The following FGGY variants were observed in gnomAD, a reference collection of about 807,000 sequenced individuals.
FGGY encodes the protein FGGY carbohydrate kinase domain-containing protein.
FGGY carries 72 observed loss-of-function variants against 71.3 expected under a neutral mutation model. The observed-to-expected ratio is 1.01, with a 90% CI of 0.84 to 1.23. The LOEUF (loss-of-function observed/expected upper bound fraction) is 1.23. Ranked by LOEUF, FGGY falls within the 50% of genes most tolerant of loss-of-function variation. The probability of loss-of-function intolerance (pLI) is 0.00; values close to 1 mark genes in which losing one functional copy is unlikely to be tolerated. For synonymous variants in FGGY, 251 were observed against 250.3 expected (o/e 1.00, Z -0.02); for missense variants, 668 against 682.3 (o/e 0.98, Z 0.23).
intron 10 of FGGY, among the ~76,000 whole-genome samples, chr1:59,627,327 C>G (rs1314865667): frequency 6.6e-6 from 1 of 151,174 alleles, no homozygotes; most frequent in African/African-American, 2.4e-5. Flanking sequence ...AGTGACAACT[C>G]TTTATGTGTA....
intron 5 of FGGY, among the ~76,000 whole-genome samples, chr1:59,416,149 C>G (rs919955266): frequency 6.6e-6 from 1 of 151,634 alleles, no homozygotes; most frequent in Non-Finnish European, 1.5e-5. Context: ...TGCAAAAAAG[C>G]TTTTATTTAA....
intron 14 of FGGY, among the ~76,000 whole-genome samples, chr1:59,753,646 A>G (rs780354951): frequency 1.3e-4 from 19 of 151,254 alleles, no homozygotes; most frequent in Middle Eastern, 3.4e-3. Flanking sequence ...ATTTTAATAT[A>G]TATTGATCCG....
chr1:59,754,345 C>T (rs11584318), intron 14 of FGGY, among the ~76,000 whole-genome samples: 6,287 of 152,238 alleles, frequency 0.041, 257 homozygotes, highest in East Asian at 0.15. Context: ...ATAGATTGCT[C>T]ACTACTCTTC....
intron 4 of FGGY, among the ~76,000 whole-genome samples, chr1:59,348,891 C>T (rs1557633198): frequency 1.3e-5 from 2 of 152,248 alleles, no homozygotes; most frequent in Non-Finnish European, 2.9e-5. Context: ...ACTCTACTGT[C>T]AACAATTGTA....
intron 8 of FGGY, among the ~76,000 whole-genome samples, chr1:59,582,570 C>T (rs1401156229): frequency 6.7e-6 from 1 of 149,646 alleles, no homozygotes; most frequent in Non-Finnish European, 1.5e-5. Flanking sequence ...CCCTCTACTC[C>T]TTCTCCTAAG....
At chr1:59,615,503 GA>G (rs1558557567) in intron 9 of FGGY, among the ~76,000 whole-genome samples, 1 of 152,120 alleles carries the variant, frequency 6.6e-6, no homozygotes. Flanking sequence ...ATTCAAGATG[GA>G]TTAAAGACTT....
At chr1:59,687,958 C>A (rs900738610) in intron 14 of FGGY, among the ~76,000 whole-genome samples, 1 of 152,174 alleles carries the variant, frequency 6.6e-6, no homozygotes, top group Non-Finnish European at 1.5e-5. Flanking sequence ...TGGAGTGAGC[C>A]AAGCCAACTG....
intron 2 of FGGY, among the ~76,000 whole-genome samples, chr1:59,338,115 G>A (rs1270583130): frequency 6.6e-6 from 1 of 152,078 alleles, no homozygotes; most frequent in African/African-American, 2.4e-5. Flanking sequence ...TTTGTACTTT[G>A]TTCTGTTAAT....
At chr1:59,525,278 T>C (rs1459165361) in intron 7 of FGGY, among the ~76,000 whole-genome samples, 1 of 152,104 alleles carries the variant, frequency 6.6e-6, no homozygotes, top group Admixed American at 6.5e-5. Context: ...TCACCCTTGG[T>C]AGGTGTGGGA....
At chr1:59,324,888 GC>G (rs1235412858) in intron 2 of FGGY, among the ~76,000 whole-genome samples, 1 of 152,198 alleles carries the variant, frequency 6.6e-6, no homozygotes, top group Non-Finnish European at 1.5e-5. Flanking sequence ...GGAAGTGTGT[GC>G]CCCCTCAGCA....
chr1:59,317,573 A>T (rs1286262923), intron 1 of FGGY, among the ~76,000 whole-genome samples: 1 of 152,240 alleles, frequency 6.6e-6, no homozygotes, highest in Admixed American at 6.5e-5. Flanking sequence ...GCAGCAGATC[A>T]TATTCATGAC....
rs144070760 is a variant in FGGY at position 59,743,649 on chromosome 1, A to G, written c.1513-14282A>G. Among the ~76,000 whole-genome samples, 45 of 151,794 alleles carry G rather than the reference A, an allele frequency of 3.0e-4. No individual in the cohort carries two copies. In the East Asian group the frequency reaches 8.7e-3, roughly 29 times the overall value. On this transcript the variant is annotated intron_variant, in intron 14 of 15. Transcript: ENST00000303721. ...ATCATGTGCCTATCTATAATATGGT[A>G]ACCAGAAGGAAGCAGACTGGATTCC...
chr1:59,386,408 C>T (rs2060078501), intron 5 of FGGY, among the ~76,000 whole-genome samples: 1 of 152,000 alleles, frequency 6.6e-6, no homozygotes. Flanking sequence ...GGAGGAAGAC[C>T]ATAGAGATAA....
chr1:59,331,440 T>C (rs1029177320), intron 2 of FGGY, among the ~76,000 whole-genome samples: 1 of 152,134 alleles, frequency 6.6e-6, no homozygotes, highest in African/African-American at 2.4e-5. Context: ...GTCTTCTTGC[T>C]GTTCCCCCTC....
intron 6 of FGGY, among the ~76,000 whole-genome samples, chr1:59,497,909 A>G (rs1254289239): frequency 8.2e-6 from 1 of 121,312 alleles, no homozygotes; most frequent in Non-Finnish European, 1.8e-5. Flanking sequence ...GCAGTCTTCC[A>G]GGCCCTTTTT....
At chr1:59,327,590 AC>A (rs1245785965) in intron 2 of FGGY, among the ~76,000 whole-genome samples, 2 of 152,050 alleles carry the variant, frequency 1.3e-5, no homozygotes, top group African/African-American at 2.4e-5. Flanking sequence ...TGATATTTTG[AC>A]CTCCCATGAA....
At chr1:59,687,684 G>T (rs2097556044) in intron 14 of FGGY, among the ~76,000 whole-genome samples, 1 of 150,942 alleles carries the variant, frequency 6.6e-6, no homozygotes, top group Non-Finnish European at 1.5e-5. Flanking sequence ...TAGCCAGGAT[G>T]ACCTCGATCT....
intron 5 of FGGY, among the ~76,000 whole-genome samples, chr1:59,400,821 A>G (rs1050157613): frequency 6.6e-6 from 1 of 151,846 alleles, no homozygotes; most frequent in Non-Finnish European, 1.5e-5. Context: ...ACCCAGGCTC[A>G]AGTGCAGTGG....
chr1:59,480,248 G>A (rs628536), intron 6 of FGGY, among the ~76,000 whole-genome samples: 3 of 151,802 alleles, frequency 2.0e-5, no homozygotes, highest in Non-Finnish European at 2.9e-5. Context: ...CCAAAAACCC[G>A]AATTATGGTC....
Sources: gnomAD v4.1 joint callset for allele counts (sites outside exome capture counted in the v4.1 genomes callset) on GRCh38, gnomAD v4.1.1 for gene constraint, MANE v1.5 for transcripts, NCBI Gene and HGNC (gene_info 2026-07-23, HGNC 2026-07-21) for gene names.